OSBPL9: variants seen among roughly 807,000 people sequenced by gnomAD.
OSBPL9 encodes the protein oxysterol binding protein like 9.
In OSBPL9, 40 loss-of-function variants were observed where a neutral mutation model predicts 106.6. The observed-to-expected ratio is 0.38, with a 90% CI of 0.29 to 0.49. The LOEUF is 0.49. OSBPL9 is among the 20% of genes least tolerant of loss of function. OSBPL9 has a pLI of 0.97. For missense variants in OSBPL9, 609 were observed against 887.2 expected (o/e 0.69, Z 3.98); for synonymous variants, 269 against 295.4 (o/e 0.91, Z 0.92).
rs747583649 is a variant in OSBPL9, at chr1:51,652,052, A to C, written c.162+11A>C. 4 of 1,583,018 alleles carry C rather than the reference A, an allele frequency of 2.5e-6. No homozygotes were observed. The South Asian group carries it at 4.6e-5, about 18-fold the overall frequency. On this transcript the variant is annotated intron_variant, in intron 2 of 23. Transcript: ENST00000428468. ...TGTGTTAGACTCAGAGTGAGTATTT[A>C]TTCATTTTTATGAAAATCAATTTTG...
intron 1 of OSBPL9, among the ~76,000 whole-genome samples, chr1:51,637,543 A>G (rs1209695909): frequency 6.6e-6 from 1 of 152,274 alleles, no homozygotes; most frequent in African/African-American, 2.4e-5. Flanking sequence ...GATCATTGTG[A>G]GAATTAAATA....
chr1:51,525,743 A>C, the OSBPL9 span, among the ~76,000 whole-genome samples: 1 of 152,188 alleles, frequency 6.6e-6, no homozygotes, highest in Admixed American at 6.5e-5. Flanking sequence ...GCCTAAGTTC[A>C]TTCTCCATAT....
chr1:51,693,723 T>G (rs1655457117), intron 3 of OSBPL9, among the ~76,000 whole-genome samples: 1 of 152,248 alleles, frequency 6.6e-6, no homozygotes. Flanking sequence ...AAATACCATC[T>G]TAGGTTGAAT....
At chr1:51,712,036 C>A (rs1322279815) in intron 3 of OSBPL9, among the ~76,000 whole-genome samples, 1 of 149,064 alleles carries the variant, frequency 6.7e-6, no homozygotes, top group Admixed American at 6.7e-5. Context: ...GCTGCAATCT[C>A]GGCACTTTGG....
At chr1:51,777,133 C>G (rs1675263893) in intron 15 of OSBPL9, among the ~76,000 whole-genome samples, 2 of 152,168 alleles carry the variant, frequency 1.3e-5, no homozygotes, top group Non-Finnish European at 2.9e-5. Flanking sequence ...AAAAAATTCT[C>G]AAGAGCCCGT....
At chr1:51,761,718 A>G (rs764263373) in intron 10 of OSBPL9, 149 bp from the exon 11 acceptor site, 2 of 585,282 alleles carry the variant, frequency 3.4e-6, no homozygotes, top group Non-Finnish European at 6.2e-6. Flanking sequence ...CTAGGAAGTC[A>G]AAAGGAAGGA....
chr1:51,746,689 C>T, intron 5 of OSBPL9, 21 bp from the exon 6 acceptor site: 1 of 1,582,768 alleles, frequency 6.3e-7, no homozygotes, highest in Non-Finnish European at 8.6e-7. Flanking sequence ...GATACTATAA[C>T]CATTTTTTAA....
At chr1:51,758,836 T>G (rs2149057133) in intron 9 of OSBPL9, among the ~76,000 whole-genome samples, 1 of 152,292 alleles carries the variant, frequency 6.6e-6, no homozygotes. Flanking sequence ...AAAAGCGCTG[T>G]GTAAACAAGG....
At chr1:51,661,107 C>T (rs2148731479) in intron 2 of OSBPL9, among the ~76,000 whole-genome samples, 1 of 152,272 alleles carries the variant, frequency 6.6e-6, no homozygotes, top group South Asian at 2.1e-4. Context: ...AAATAGACTT[C>T]CAATGTCATT....
chr1:51,785,834 G>A lies in OSBPL9; in HGVS notation c.1856G>A (p.Cys619Tyr), dbSNP rs756517666. ...IFSPNDKKSFCSIEGEWNGVM... is the reference protein window; with the variant it reads ...IFSPNDKKSFYSIEGEWNGVM... ...TCTCCAAATGACAAGAAGTCTTTTTGCTCAATTGAAGGGGAATGGAATGGT... is the reference window on the plus strand; with the variant it reads ...TCTCCAAATGACAAGAAGTCTTTTTACTCAATTGAAGGGGAATGGAATGGT... The change falls in exon 21 of 24, where the codon TGC (cysteine) becomes TAC (tyrosine). Residue 619 changes from cysteine (C) to tyrosine (Y), a missense_variant. Transcript: ENST00000428468. The A allele has an allele frequency of 6.2e-7, 1 of 1,607,774 alleles. No homozygotes were observed. The highest frequency in any genetic ancestry group is 8.5e-7 in the Non-Finnish European group (1 of 1,178,472).
the OSBPL9 span, among the ~76,000 whole-genome samples, chr1:51,520,714 G>C: frequency 6.6e-6 from 1 of 152,196 alleles, no homozygotes; most frequent in African/African-American, 2.4e-5. Flanking sequence ...ACCCAGGATG[G>C]AGTTAGCCCC....
At chr1:51,644,707 C>G (rs1247678207) in intron 1 of OSBPL9, among the ~76,000 whole-genome samples, 1 of 152,102 alleles carries the variant, frequency 6.6e-6, no homozygotes, top group African/African-American at 2.4e-5. Context: ...TGAAATAGCC[C>G]TTGCCGAGAA....
chr1:51,757,900 T>C (rs1670676126), intron 9 of OSBPL9, among the ~76,000 whole-genome samples: 3 of 152,298 alleles, frequency 2.0e-5, no homozygotes, highest in Admixed American at 2.0e-4. Flanking sequence ...ATTCAATGAA[T>C]GTTAGCTATA....
chr1:51,521,479 C>T, the OSBPL9 span, among the ~76,000 whole-genome samples: 3 of 152,184 alleles, frequency 2.0e-5, no homozygotes, highest in Non-Finnish European at 2.9e-5. Context: ...CAGAGTGTGA[C>T]CGCAGGCAAA....
chr1:51,653,944 G>T (rs2148711469), intron 2 of OSBPL9, among the ~76,000 whole-genome samples: 2 of 152,030 alleles, frequency 1.3e-5, no homozygotes, highest in Middle Eastern at 6.8e-3. Flanking sequence ...CAAGGCTGTA[G>T]TGAGCCATAA....
intron 3 of OSBPL9, among the ~76,000 whole-genome samples, chr1:51,699,417 C>CT (rs1185968898): frequency 2.0e-5 from 3 of 152,010 alleles, no homozygotes; most frequent in African/African-American, 7.2e-5. Flanking sequence ...ACCTTTGCCT[C>CT]TAATTTCTAC....
the OSBPL9 span, among the ~76,000 whole-genome samples, chr1:51,556,854 T>A: frequency 1.3e-5 from 2 of 150,050 alleles, no homozygotes; most frequent in Non-Finnish European, 1.5e-5. Flanking sequence ...TATGTATATA[T>A]ATATCTCAAA....
chr1:51,581,245 T>A (rs1431988133), intron 1 of OSBPL9, among the ~76,000 whole-genome samples: 2 of 151,786 alleles, frequency 1.3e-5, no homozygotes, highest in Non-Finnish European at 2.9e-5. Context: ...CTACTGGAAT[T>A]GGTCTGATGT....
At chr1:51,711,808 G>A (rs1210347104) in intron 3 of OSBPL9, among the ~76,000 whole-genome samples, 1 of 150,444 alleles carries the variant, frequency 6.6e-6, no homozygotes, top group Non-Finnish European at 1.5e-5. Context: ...CCACATCTCA[G>A]ATGATGGGCG....
Sources: allele counts gnomAD v4.1 joint callset (sites outside exome capture counted in the v4.1 genomes callset), GRCh38; gene constraint gnomAD v4.1.1; transcripts MANE v1.5; gene names NCBI Gene and HGNC (gene_info 2026-07-23, HGNC 2026-07-21).